The following TTC27 variants were observed in gnomAD, a reference collection of about 807,000 sequenced individuals.
TTC27 encodes tetratricopeptide repeat domain 27, also known as tetratricopeptide repeat protein 27.
In TTC27, 79 loss-of-function variants were observed where a neutral mutation model predicts 115.9. The ratio of observed to expected loss-of-function variants is 0.68; its 90% CI spans 0.57 to 0.82. The LOEUF is 0.82. Among genes scored for constraint, TTC27 ranks in the 40% least tolerant of loss-of-function variants. TTC27 has a pLI of 0.00. For missense variants in TTC27, 1,054 were observed against 993.1 expected, an observed-to-expected ratio of 1.06 and a Z score of -0.82; for synonymous variants, 401 against 356.0, an observed-to-expected ratio of 1.13 and a Z score of -1.42.
rs143267580 is a variant in TTC27, at chr2:32,801,750, C to T, written c.1999-9274C>T. On this transcript the variant is annotated intron_variant, in intron 16 of 19. Coordinates refer to ENST00000317907, the MANE Select transcript of TTC27 (RefSeq NM_017735.5). ...CAGAGGTGACAGGCACAGAGTTACA[C>T]CAAGGGAAGACCAGAAAGACCTCAA... Among the ~76,000 whole-genome samples the T allele has an allele frequency of 5.5e-3, 835 of 152,168 alleles. 10 individuals carry two copies. The highest frequency in any genetic ancestry group is 0.024 in the South Asian group (115 of 4,822).
chr2:32,705,787 C>T (rs532728414), intron 10 of TTC27, among the ~76,000 whole-genome samples: 48 of 152,252 alleles, frequency 3.2e-4, no homozygotes, highest in African/African-American at 1.1e-3. Context: ...CTCCTGACCT[C>T]CAGCAATCCT....
chr2:32,721,517 A>G (rs1188082995), intron 10 of TTC27, among the ~76,000 whole-genome samples: 20 of 152,148 alleles, frequency 1.3e-4, no homozygotes, highest in Admixed American at 1.3e-3. Flanking sequence ...TTCGTTATCC[A>G]TAGACTTCAC....
chr2:32,671,372 CTG>C lies in TTC27; in HGVS notation c.940-896_940-895del, dbSNP rs552297897. ...TATTTTTTGGAGAGACAGGGTCTTGCTGTGTTACTCAGGCTGATCTCAAACTC... is the reference window on the plus strand; with the variant it reads ...TATTTTTTGGAGAGACAGGGTCTTGCTGTTACTCAGGCTGATCTCAAACTC... On this transcript the variant is annotated intron_variant, in intron 7 of 19. Transcript: ENST00000317907. Among the ~76,000 whole-genome samples, 619 of 152,092 alleles carry C rather than the reference CTG, an allele frequency of 4.1e-3. 4 individuals are homozygous for C. The highest frequency in any genetic ancestry group is 0.013 in the African/African-American group (547 of 41,492).
At chr2:32,687,462 T>C (rs1272986013) in intron 9 of TTC27, among the ~76,000 whole-genome samples, 2 of 152,186 alleles carry the variant, frequency 1.3e-5, no homozygotes, top group East Asian at 3.9e-4. Context: ...GCCTTATGAA[T>C]AATTATATTG....
At chr2:32,690,530 A>C (rs13009977) in intron 9 of TTC27, among the ~76,000 whole-genome samples, 122,895 of 152,080 alleles carry the variant, frequency 0.81, 49,824 homozygotes, top group Middle Eastern at 0.91. Context: ...TGAGCAGTCA[A>C]AGAAGGCTTT....
At chr2:32,750,630 A>G (rs1326548247) in intron 12 of TTC27, among the ~76,000 whole-genome samples, 1 of 152,208 alleles carries the variant, frequency 6.6e-6, no homozygotes, top group African/African-American at 2.4e-5. Context: ...TATTCCATAG[A>G]TTGTGTTTCA....
intron 10 of TTC27, among the ~76,000 whole-genome samples, chr2:32,721,534 A>G (rs905952051): frequency 4.6e-5 from 7 of 152,230 alleles, no homozygotes; most frequent in Admixed American, 4.6e-4. Context: ...TCACAATCCA[A>G]GAGGAAGATA....
At chr2:32,659,535 T>G (rs1320573327) in intron 5 of TTC27, among the ~76,000 whole-genome samples, 1 of 152,120 alleles carries the variant, frequency 6.6e-6, no homozygotes, top group Non-Finnish European at 1.5e-5. Flanking sequence ...TTGCCATGTT[T>G]TTAATTTTTA....
chr2:32,791,953 C>G (rs1293093817), intron 16 of TTC27, among the ~76,000 whole-genome samples: 1 of 152,140 alleles, frequency 6.6e-6, no homozygotes, highest in African/African-American at 2.4e-5. Context: ...TATGTAATCA[C>G]CACCCCAAAC....
intron 5 of TTC27, among the ~76,000 whole-genome samples, chr2:32,655,413 C>T (rs1046135639): frequency 1.4e-4 from 22 of 152,210 alleles, no homozygotes; most frequent in Admixed American, 3.9e-4. Flanking sequence ...TCCCAAAGTG[C>T]GGAATTAAAG....
At chr2:32,775,364 A>G (rs1014130640) in intron 13 of TTC27, among the ~76,000 whole-genome samples, 1 of 151,756 alleles carries the variant, frequency 6.6e-6, no homozygotes, top group Non-Finnish European at 1.5e-5. Flanking sequence ...CGCCCGGCTA[A>G]TTTTTTTGTA....
At chr2:32,656,543 CA>C (rs1665327123) in intron 5 of TTC27, among the ~76,000 whole-genome samples, 1 of 152,140 alleles carries the variant, frequency 6.6e-6, no homozygotes, top group Admixed American at 6.6e-5. Context: ...ATGAGGTTTA[CA>C]GGTGGGAAGG....
At chr2:32,815,263 G>T (rs1485389459) in intron 18 of TTC27, among the ~76,000 whole-genome samples, 1 of 91,166 alleles carries the variant, frequency 1.1e-5, no homozygotes, top group Non-Finnish European at 1.9e-5. Context: ...TTGAGACGGA[G>T]TCTTGCTCTG....
chr2:32,658,945 A>G (rs1301222851), intron 5 of TTC27, among the ~76,000 whole-genome samples: 1 of 152,146 alleles, frequency 6.6e-6, no homozygotes, highest in Non-Finnish European at 1.5e-5. Flanking sequence ...TATTAGATAT[A>G]TGGATGTATA....
intron 13 of TTC27, among the ~76,000 whole-genome samples, chr2:32,767,582 C>G (rs1230817587): frequency 6.6e-6 from 1 of 151,386 alleles, no homozygotes; most frequent in East Asian, 1.9e-4. Flanking sequence ...CTGCCTCAGC[C>G]TCCCGAGTAG....
At chr2:32,727,683 A>C (rs1463770592) in intron 10 of TTC27, among the ~76,000 whole-genome samples, 3 of 152,184 alleles carry the variant, frequency 2.0e-5, no homozygotes. Context: ...CTATTATGCC[A>C]TACATTAAAG....
intron 13 of TTC27, among the ~76,000 whole-genome samples, chr2:32,760,486 G>T (rs1204198943): frequency 6.6e-6 from 1 of 152,106 alleles, no homozygotes; most frequent in African/African-American, 2.4e-5. Context: ...GTAATACACA[G>T]CACAGCCCCC....
At chr2:32,782,006 G>A (rs1670194814) in intron 14 of TTC27, among the ~76,000 whole-genome samples, 1 of 152,130 alleles carries the variant, frequency 6.6e-6, no homozygotes, top group Non-Finnish European at 1.5e-5. Flanking sequence ...ACTTGAGAAT[G>A]ATATATACTA....
At chr2:32,769,056 G>A (rs1392830346) in intron 13 of TTC27, among the ~76,000 whole-genome samples, 2 of 152,160 alleles carry the variant, frequency 1.3e-5, no homozygotes, top group Admixed American at 1.3e-4. Flanking sequence ...ATGCAGATGG[G>A]GCTTTTCTGT....
Sources: allele counts gnomAD v4.1 joint callset (sites outside exome capture counted in the v4.1 genomes callset), GRCh38; gene constraint gnomAD v4.1.1; transcripts MANE v1.5; gene names NCBI Gene and HGNC (gene_info 2026-07-23, HGNC 2026-07-21).